The following DHRS9 variants were observed in gnomAD, a reference collection of about 807,000 sequenced individuals.
DHRS9 encodes dehydrogenase/reductase 9, also known as dehydrogenase/reductase SDR family member 9.
Under a neutral mutation model 26.6 loss-of-function variants are expected in DHRS9, and 18 were observed. That is an observed-to-expected ratio of 0.68 (90% CI 0.47 to 1.00). The LOEUF (loss-of-function observed/expected upper bound fraction) is 1.00, where lower values mean the gene tolerates loss of function less well. DHRS9 is among the 50% of genes least tolerant of loss of function. DHRS9 has a pLI of 0.00. For missense variants in DHRS9, 425 were observed against 378.7 expected (o/e 1.12, Z -1.01); for synonymous variants, 134 against 141.1 (o/e 0.95, Z 0.36).
chr2:169,088,216 T>A (rs1684412618), intron 3 of DHRS9, among the ~76,000 whole-genome samples: 1 of 152,172 alleles, frequency 6.6e-6, no homozygotes, highest in Admixed American at 6.5e-5. Flanking sequence ...GAATGCTCCC[T>A]CTATGGGTGC....
rs1683859152 is a variant in DHRS9, at chr2:169,073,194, T to C, written c.-60+3477T>C. 2.0e-5 allele frequency among the ~76,000 whole-genome samples: 3 copies of C among 152,096 alleles called. No homozygotes were observed. The South Asian group carries it at 6.2e-4, about 32-fold the overall frequency. On this transcript the variant is annotated intron_variant, in intron 1 of 4. Transcript: ENST00000674881. Reference sequence around the variant, plus strand: ...ACAAGGAACTGGTAATGTAGAGAAGTATATGCAGAGCCCAGAGTTGAGTGG... The same window carrying C: ...ACAAGGAACTGGTAATGTAGAGAAGCATATGCAGAGCCCAGAGTTGAGTGG...
At chr2:169,085,482 T>C (rs556647956) in intron 3 of DHRS9, among the ~76,000 whole-genome samples, 1 of 152,314 alleles carries the variant, frequency 6.6e-6, no homozygotes, top group South Asian at 2.1e-4. Context: ...ACCTTTCCAC[T>C]TTTTGTATCC....
At chr2:169,083,931 A>T (rs1471960910) in intron 3 of DHRS9, among the ~76,000 whole-genome samples, 2 of 152,100 alleles carry the variant, frequency 1.3e-5, no homozygotes, top group East Asian at 1.9e-4. Flanking sequence ...ACTAGATCTT[A>T]TTCATTCCAT....
intron 1 of DHRS9, among the ~76,000 whole-genome samples, chr2:169,078,288 C>T (rs972277310): frequency 6.6e-6 from 1 of 152,182 alleles, no homozygotes; most frequent in Non-Finnish European, 1.5e-5. Flanking sequence ...GTGACTCCCT[C>T]GTGCATGCCC....
chr2:169,067,972 T>C (rs1222223293), upstream of DHRS9, among the ~76,000 whole-genome samples: 1 of 152,220 alleles, frequency 6.6e-6, no homozygotes, highest in Non-Finnish European at 1.5e-5. Context: ...GTCTAAACAT[T>C]TGACTTTTTT....
At chr2:169,081,235 C>T (rs916631760) in intron 1 of DHRS9, 1 of 935,472 alleles carries the variant, frequency 1.1e-6, no homozygotes, top group African/African-American at 1.7e-5. Context: ...ATAGCTCCAG[C>T]TGGCCGTGGC....
chr2:169,093,994 T>C lies in DHRS9; in HGVS notation c.737-1550T>C, dbSNP rs368423923. Among the ~76,000 whole-genome samples the C allele has an allele frequency of 7.2e-5, 11 of 152,280 alleles. No homozygotes were observed. In the East Asian group the frequency reaches 2.1e-3, roughly 29 times the overall value. Reference sequence around the variant, plus strand: ...ATCATATGATAGCTCTACTTTGAATTTGGGGGGGAAATCTCTATGCCATTT... The same window carrying C: ...ATCATATGATAGCTCTACTTTGAATCTGGGGGGGAAATCTCTATGCCATTT... On this transcript the variant is annotated intron_variant, in intron 4 of 4. Coordinates refer to ENST00000674881, the MANE Select transcript of DHRS9 (RefSeq NM_001376924.1).
intron 1 of DHRS9, among the ~76,000 whole-genome samples, chr2:169,079,989 GAAAGAAAGAAAGAAAGAA>G (rs1558951598): frequency 1.3e-5 from 1 of 78,632 alleles, no homozygotes; most frequent in Non-Finnish European, 2.6e-5. Flanking sequence ...GAGAGAGAAA[GAAAGAAAGAAAGAAAGAA>G]AGAAAGAAAG....
At chr2:169,067,106 T>C, upstream of DHRS9, 2 of 1,533,720 alleles carry the variant, frequency 1.3e-6, no homozygotes, top group African/African-American at 1.4e-5. Context: ...CAGAGAAACA[T>C]GTTCCACTGA....
At chr2:169,088,477 C>T (rs940325340) in intron 3 of DHRS9, among the ~76,000 whole-genome samples, 1 of 152,148 alleles carries the variant, frequency 6.6e-6, no homozygotes, top group Non-Finnish European at 1.5e-5. Flanking sequence ...TGTGATCACT[C>T]ATCTGATTTT....
In DHRS9 at chr2:169,095,787, C is replaced by T; in HGVS notation, c.*20C>T. 6.2e-7 allele frequency: 1 copy of T among 1,605,468 alleles called. No individual in the cohort carries two copies. Among genetic ancestry groups the T allele is most frequent in the East Asian group, 2.2e-5 (1 of 44,748 alleles). The stretch of plus-strand genomic sequence containing the variant: ...GTGTGACTCAGCTAACCACAAATGT[C>T]TCCTCCAGGCTATGAAATTGGCCGA... On this transcript the variant is annotated 3_prime_UTR_variant, in exon 5 of 5. Transcript: ENST00000674881.
chr2:169,083,193 T>G, intron 2 of DHRS9, 136 bp from the exon 3 acceptor site: 1 of 1,131,862 alleles, frequency 8.8e-7, no homozygotes, highest in Non-Finnish European at 1.3e-6. Context: ...TTCCCAAAAC[T>G]GCGAAGTATT....
intron 3 of DHRS9, among the ~76,000 whole-genome samples, chr2:169,085,371 G>A (rs1372842645): frequency 6.6e-6 from 1 of 152,102 alleles, no homozygotes; most frequent in South Asian, 2.1e-4. Flanking sequence ...TGTAAAGAAT[G>A]TCATTGGTAT....
At chr2:169,073,596 G>T (rs1281848478) in intron 1 of DHRS9, among the ~76,000 whole-genome samples, 1 of 152,194 alleles carries the variant, frequency 6.6e-6, no homozygotes, top group Non-Finnish European at 1.5e-5. Flanking sequence ...GGAGGGAACA[G>T]ATGGGAGGTG....
Position 169,079,894 on chromosome 2 carries a change from A to G in DHRS9, c.-59-1629A>G, listed in dbSNP as rs936871890. On this transcript the variant is annotated intron_variant, in intron 1 of 4. Coordinates refer to ENST00000674881, the MANE Select transcript of DHRS9 (RefSeq NM_001376924.1). ...GAAAGAAAGAAAGAAAGAGAGAGAG[A>G]GAGGGAGGGAGGGAGGGAGGGAGGG... Among the ~76,000 whole-genome samples the G allele has an allele frequency of 4.3e-3, 370 of 86,292 alleles. 15 individuals are homozygous for G. Among genetic ancestry groups the G allele is most frequent in the African/African-American group, 0.019 (307 of 15,976 alleles). The allele number at this position is 86,292 out of a possible 152,430, so 56.6% of individuals were successfully genotyped here.
intron 3 of DHRS9, among the ~76,000 whole-genome samples, chr2:169,090,221 C>T (rs1198974554): frequency 6.6e-6 from 1 of 152,150 alleles, no homozygotes; most frequent in Admixed American, 6.5e-5. Flanking sequence ...AGGGTTGGGG[C>T]TCCTTAAAAC....
chr2:169,083,226 A>G, intron 2 of DHRS9, 103 bp from the exon 3 acceptor site: 1 of 1,416,700 alleles, frequency 7.1e-7, no homozygotes, highest in Non-Finnish European at 9.6e-7. Flanking sequence ...AATGACTTCA[A>G]GGAGGAAATG....
At chr2:169,079,139 G>A (rs1391797282) in intron 1 of DHRS9, among the ~76,000 whole-genome samples, 1 of 151,876 alleles carries the variant, frequency 6.6e-6, no homozygotes, top group Non-Finnish European at 1.5e-5. Context: ...GAGCCACCAG[G>A]CCCGGCTGAA....
chr2:169,085,387 T>A (rs939582075), intron 3 of DHRS9, among the ~76,000 whole-genome samples: 1 of 152,196 alleles, frequency 6.6e-6, no homozygotes, highest in African/African-American at 2.4e-5. Context: ...GGTATTTTGA[T>A]AGGAATTGCA....
Sources: gnomAD v4.1 joint callset for allele counts (sites outside exome capture counted in the v4.1 genomes callset) on GRCh38, gnomAD v4.1.1 for gene constraint, MANE v1.5 for transcripts, NCBI Gene and HGNC (gene_info 2026-07-23, HGNC 2026-07-21) for gene names.